TRPM3: variants seen among roughly 807,000 people sequenced by gnomAD.
TRPM3 encodes transient receptor potential cation channel subfamily M member 3.
In TRPM3, 77 loss-of-function variants were observed where a neutral mutation model predicts 181.2. The observed-to-expected ratio is 0.42, with a 90% CI of 0.35 to 0.51. TRPM3 has a LOEUF of 0.51. TRPM3 is among the 20% of genes least tolerant of loss of function. The pLI, the probability that TRPM3 is intolerant of heterozygous loss-of-function variation, is 0.01. For missense variants in TRPM3, 1,759 were observed against 2,196.7 expected (o/e 0.80, Z 3.98); for synonymous variants, 745 against 796.4 (o/e 0.94, Z 1.09).
At chr9:70,971,060 A>T (rs1407943297) in intron 1 of TRPM3, among the ~76,000 whole-genome samples, 1 of 152,158 alleles carries the variant, frequency 6.6e-6, no homozygotes, top group Non-Finnish European at 1.5e-5. Context: ...GCTGTGTATG[A>T]TTATGGGATG....
At chr9:70,777,402 T>A (rs542927843) in intron 7 of TRPM3, among the ~76,000 whole-genome samples, 1 of 152,198 alleles carries the variant, frequency 6.6e-6, no homozygotes, top group East Asian at 1.9e-4. Context: ...AAACTCTGGA[T>A]AATTTTTTTT....
intron 1 of TRPM3, among the ~76,000 whole-genome samples, chr9:71,334,992 T>C (rs2090454241): frequency 6.6e-6 from 1 of 152,162 alleles, no homozygotes; most frequent in African/African-American, 2.4e-5. Flanking sequence ...TAATAAATGA[T>C]GGAATTTTGC....
intron 14 of TRPM3, among the ~76,000 whole-genome samples, chr9:70,623,865 A>AC (rs2064034112): frequency 8.6e-6 from 1 of 116,636 alleles, no homozygotes; most frequent in African/African-American, 2.6e-5. Flanking sequence ...TATTATAGCC[A>AC]CTTTTTTTTT....
intron 9 of TRPM3, among the ~76,000 whole-genome samples, chr9:70,670,135 T>C (rs1413029291): frequency 6.6e-6 from 1 of 152,128 alleles, no homozygotes; most frequent in Non-Finnish European, 1.5e-5. Flanking sequence ...GTGAAATTTC[T>C]CTGGAAATTT....
intron 1 of TRPM3, among the ~76,000 whole-genome samples, chr9:70,909,391 C>T (rs140787616): frequency 6.6e-6 from 1 of 152,106 alleles, no homozygotes; most frequent in East Asian, 1.9e-4. Flanking sequence ...GCGGTTAGAC[C>T]CTTCATAGTA....
chr9:71,023,374 A>G (rs918678798), intron 1 of TRPM3, among the ~76,000 whole-genome samples: 1 of 152,224 alleles, frequency 6.6e-6, no homozygotes, highest in Admixed American at 6.5e-5. Context: ...ACCGGGATTC[A>G]TTGCAGATGG....
At chr9:70,971,867 T>C (rs1180948233) in intron 1 of TRPM3, among the ~76,000 whole-genome samples, 1 of 152,118 alleles carries the variant, frequency 6.6e-6, no homozygotes, top group Admixed American at 6.6e-5. Context: ...ATTAGGGAAG[T>C]GCAAATCAAA....
At chr9:71,101,695 CT>C (rs2134061826) in intron 1 of TRPM3, among the ~76,000 whole-genome samples, 1 of 152,226 alleles carries the variant, frequency 6.6e-6, no homozygotes, top group East Asian at 1.9e-4. Context: ...ACTTTCTATG[CT>C]GTAAATGCAC....
At chr9:71,038,043 T>C (rs2058414355) in intron 1 of TRPM3, among the ~76,000 whole-genome samples, 2 of 152,252 alleles carry the variant, frequency 1.3e-5, no homozygotes, top group East Asian at 3.8e-4. Context: ...GTATTGATTT[T>C]AATGAACCTA....
chr9:70,531,192 C>T lies in TRPM3; in HGVS notation c.*4761G>A, dbSNP rs1564157352. On this transcript the variant is annotated 3_prime_UTR_variant, in exon 26 of 26. Transcript: ENST00000677713. ...ATATCACAGATGCACAACACCTAGACCTTGGCAGACCCAAGAGGTGTTGGC... is the reference window on the plus strand; with the variant it reads ...ATATCACAGATGCACAACACCTAGATCTTGGCAGACCCAAGAGGTGTTGGC... 6.6e-6 allele frequency: 1 copy of T among 152,192 alleles called. No individual in the cohort carries two copies. The highest frequency in any genetic ancestry group is 2.4e-5 in the African/African-American group (1 of 41,448). The allele number at this position is 152,192 out of a possible 1,614,324, so 9.4% of individuals were successfully genotyped here.
intron 8 of TRPM3, among the ~76,000 whole-genome samples, chr9:70,695,186 C>CTGGTCCT (rs1342132678): frequency 6.6e-6 from 1 of 152,188 alleles, no homozygotes. Flanking sequence ...GGAGCATGGA[C>CTGGTCCT]TTTTGAATCA....
At chr9:70,842,653 T>A (rs562212264) in intron 5 of TRPM3, among the ~76,000 whole-genome samples, 3 of 152,092 alleles carry the variant, frequency 2.0e-5, no homozygotes, top group Non-Finnish European at 4.4e-5. Context: ...TGTCAATGAG[T>A]TCATGTTGCC....
chr9:70,577,061 C>G (rs1051529976), intron 22 of TRPM3, among the ~76,000 whole-genome samples: 21 of 152,266 alleles, frequency 1.4e-4, no homozygotes, highest in African/African-American at 5.1e-4. Flanking sequence ...GACTCTTGAT[C>G]CTGCTAGTTG....
intron 1 of TRPM3, among the ~76,000 whole-genome samples, chr9:71,163,383 G>A (rs1333967783): frequency 6.6e-6 from 1 of 152,112 alleles, no homozygotes; most frequent in African/African-American, 2.4e-5. Flanking sequence ...GTTGATTAGG[G>A]AGATGGAAAT....
intron 1 of TRPM3, among the ~76,000 whole-genome samples, chr9:70,981,087 T>C (rs1293555891): frequency 6.6e-6 from 1 of 152,182 alleles, no homozygotes; most frequent in Non-Finnish European, 1.5e-5. Context: ...ACCATGAGCT[T>C]TGATTCATTT....
At chr9:70,755,230 G>A (rs904462579) in intron 8 of TRPM3, among the ~76,000 whole-genome samples, 4 of 152,008 alleles carry the variant, frequency 2.6e-5, no homozygotes, top group African/African-American at 7.3e-5. Context: ...GATTCACCAA[G>A]GTTGAAATGA....
At chr9:70,685,976 T>A (rs1194016722) in intron 8 of TRPM3, among the ~76,000 whole-genome samples, 3 of 151,428 alleles carry the variant, frequency 2.0e-5, no homozygotes, top group African/African-American at 7.3e-5. Flanking sequence ...TTTATATATA[T>A]CCTATAAATT....
rs968010675 is a variant in TRPM3, at chr9:71,186,962, C to T, written c.183+259691G>A. On this transcript the variant is annotated intron_variant, in intron 1 of 24. Transcript: ENST00000357533. ...TTAAAAACTCTTCTTAAAAATAATA[C>T]GTGATAGTGTATAATACTTTATCAT... Among the ~76,000 whole-genome samples, 6 of 151,966 alleles carry T rather than the reference C, an allele frequency of 3.9e-5. No homozygotes were observed. In the South Asian group the frequency reaches 6.2e-4, roughly 16 times the overall value.
At chr9:71,196,513 C>T (rs989956126) in intron 1 of TRPM3, among the ~76,000 whole-genome samples, 6 of 151,804 alleles carry the variant, frequency 4.0e-5, no homozygotes, top group Admixed American at 1.3e-4. Context: ...CTGCATTTTC[C>T]ATTATCATGA....
Sources: gnomAD v4.1 joint callset for allele counts (sites outside exome capture counted in the v4.1 genomes callset) on GRCh38, gnomAD v4.1.1 for gene constraint, MANE v1.5 for transcripts, NCBI Gene and HGNC (gene_info 2026-07-23, HGNC 2026-07-21) for gene names.